The following RELN variants were observed in gnomAD, a reference collection of about 807,000 sequenced individuals.
The protein encoded by RELN is reelin.
In RELN, 108 loss-of-function variants were observed where a neutral mutation model predicts 427.6. The observed-to-expected ratio is 0.25, with a 90% CI of 0.22 to 0.30. RELN has a LOEUF of 0.30. RELN is among the 10% of genes least tolerant of loss of function. The pLI is 1.00. For synonymous variants in RELN, 1,524 were observed against 1,513.4 expected (o/e 1.01, Z -0.16); for missense variants, 3,715 against 4,302.8 (o/e 0.86, Z 3.82).
chr7:103,712,908 C>T (rs1275723352), intron 8 of RELN, among the ~76,000 whole-genome samples: 1 of 151,968 alleles, frequency 6.6e-6, no homozygotes, highest in East Asian at 1.9e-4. Context: ...TTATATCATT[C>T]CCCATCAATC....
Position 103,636,283 on chromosome 7 carries a change from T to C in RELN, c.2255A>G (p.Asp752Gly), listed in dbSNP as rs1335635118. 3.1e-6 allele frequency: 5 copies of C among 1,613,994 alleles called. No individual in the cohort carries two copies. In the South Asian group the frequency reaches 4.4e-5, roughly 14 times the overall value. Residue 752 changes from aspartate (D) to glycine (G), a missense_variant, in exon 18 of 65, where the codon GAT becomes GGT. Transcript: ENST00000428762. Reference sequence around the variant, plus strand: ...AGATGTAATTAGCTGACGCCGCCCATCTTTGTTGAAAACCAGGGCCTTACC... The same window carrying C: ...AGATGTAATTAGCTGACGCCGCCCACCTTTGTTGAAAACCAGGGCCTTACC... ...ASGKALVFNK[D>G]GRRQLITSFL...
At chr7:103,893,011 AAAGGGTCTTC>A (rs769284556) in intron 2 of RELN, among the ~76,000 whole-genome samples, 3 of 152,216 alleles carry the variant, frequency 2.0e-5, no homozygotes, top group Non-Finnish European at 4.4e-5. Context: ...GATCATGTAG[AAAGGGTCTTC>A]AAGGGAGACC....
intron 64 of RELN, 130 bp from the exon 65 acceptor site, chr7:103,473,038 T>C: frequency 1.2e-6 from 1 of 823,816 alleles, no homozygotes; most frequent in Non-Finnish European, 2.1e-6. Flanking sequence ...TCAGGGTTAA[T>C]AGGTCATGCT....
At position 103,472,745 on chromosome 7, in the gene RELN, C is replaced by T. The variant is rs112874175; in HGVS notation, c.*67G>A. ...ATATTTCCTGATATCAGATGTAGTG[C>T]GAGATTTAAAAGAATGGAGAGCAAC... On this transcript the variant is annotated 3_prime_UTR_variant, in exon 65 of 65. Transcript: ENST00000428762. The T allele has an allele frequency of 0.012, 15,549 of 1,245,096 alleles. 191 individuals are homozygous for T. Among genetic ancestry groups the T allele is most frequent in the African/African-American group, 0.052 (3,517 of 67,560 alleles). 77.1% of individuals were successfully genotyped at this position (1,245,096 alleles called of 1,614,324 possible).
chr7:103,553,597 A>G (rs1387154162), intron 39 of RELN, 34 bp from the exon 40 acceptor site: 1 of 1,612,324 alleles, frequency 6.2e-7, no homozygotes, highest in Non-Finnish European at 8.5e-7. Context: ...GAATCCATTT[A>G]GGCAAAAGTT....
In RELN at chr7:103,822,062, G is replaced by A. The variant is rs551540191; in HGVS notation, c.473+11475C>T. On this transcript the variant is annotated intron_variant, in intron 3 of 64. Transcript: ENST00000428762. ...TTTCATTTAATATTTATTTCTCAGT[G>A]CTAAATAAAACATCAATATGCACTG... Among the ~76,000 whole-genome samples, 5 of 152,078 alleles carry A rather than the reference G, an allele frequency of 3.3e-5. No individual in the cohort carries two copies. In the South Asian group the frequency reaches 1.0e-3, roughly 32 times the overall value.
At position 103,557,131 on chromosome 7, in the gene RELN, C is replaced by T. The variant is rs141387255; in HGVS notation, c.5643G>A (p.Leu1881=). The part of the protein sequence containing the change: ...KSTPERSHSI[L]LQFSISGGIT... ...TTCCTCCACTGATGGAGAATTGTAA[C>T]AGAATAGAGTGAGATCTCTCTGGGG... Residue 1881 remains leucine, a synonymous_variant, in exon 38 of 65, where the codon CTG becomes CTA. Transcript: ENST00000428762. 1,351 of 1,613,472 alleles carry T rather than the reference C, an allele frequency of 8.4e-4. 2 individuals carry two copies. The highest frequency in any genetic ancestry group is 1.1e-3 in the Non-Finnish European group (1,259 of 1,179,522).
intron 26 of RELN, 46 bp from the exon 27 acceptor site, chr7:103,593,928 T>G: frequency 6.9e-7 from 1 of 1,445,562 alleles, no homozygotes; most frequent in Non-Finnish European, 9.7e-7. Flanking sequence ...TTGATAGCTT[T>G]GAAAACAAGA....
At chr7:103,496,998 CT>C (rs1828861898) in intron 55 of RELN, among the ~76,000 whole-genome samples, 1 of 152,154 alleles carries the variant, frequency 6.6e-6, no homozygotes, top group Non-Finnish European at 1.5e-5. Context: ...AATAAAAACA[CT>C]GAAGTAAAAA....
intron 2 of RELN, among the ~76,000 whole-genome samples, chr7:103,835,902 T>C (rs996709503): frequency 2.0e-5 from 3 of 151,636 alleles, no homozygotes; most frequent in African/African-American, 7.3e-5. Flanking sequence ...CTTTCTAAAA[T>C]ATAAACTTGT....
Position 103,917,193 on chromosome 7 carries a change from G to A in RELN, c.227-8C>T, listed in dbSNP as rs762605069. 5 of 1,599,236 alleles carry A rather than the reference G, an allele frequency of 3.1e-6. No homozygotes were observed. The highest frequency in any genetic ancestry group is 2.7e-5 in the African/African-American group (2 of 74,418). On this transcript the variant is annotated splice_polypyrimidine_tract_variant and splice_region_variant and intron_variant, in intron 1 of 64. Coordinates refer to ENST00000428762, the MANE Select transcript of RELN (RefSeq NM_005045.4). ...TGCTTGTTGAAATTGTCACTGAAAT[G>A]TAAGAAAGAAAAAAAAAACTCTCAA...
chr7:103,755,415 T>C (rs760840675), intron 4 of RELN, among the ~76,000 whole-genome samples: 30 of 152,170 alleles, frequency 2.0e-4, no homozygotes, highest in South Asian at 6.2e-4. Flanking sequence ...GAGACAATCC[T>C]GGCTAACACG....
chr7:103,491,888 A>T, intron 58 of RELN, 65 bp downstream of exon 58: 1 of 974,602 alleles, frequency 1.0e-6, no homozygotes, highest in South Asian at 1.4e-5. Flanking sequence ...ACACACACAC[A>T]CACACACAAC....
intron 20 of RELN, among the ~76,000 whole-genome samples, chr7:103,614,705 T>C (rs1251603750): frequency 6.6e-6 from 1 of 152,244 alleles, no homozygotes; most frequent in Non-Finnish European, 1.5e-5. Context: ...ATCTATGTCA[T>C]GGTCAGTCTT....
intron 8 of RELN, among the ~76,000 whole-genome samples, chr7:103,715,138 G>A (rs983274492): frequency 1.3e-5 from 2 of 152,148 alleles, no homozygotes; most frequent in African/African-American, 4.8e-5. Context: ...GTTTATTAAC[G>A]AGAAAACATA....
At chr7:103,765,459 A>C (rs1791406486) in intron 4 of RELN, among the ~76,000 whole-genome samples, 1 of 152,202 alleles carries the variant, frequency 6.6e-6, no homozygotes, top group Non-Finnish European at 1.5e-5. Context: ...ATACAGCACA[A>C]TATATATTAA....
chr7:103,669,416 G>T (rs1246025545), intron 11 of RELN, among the ~76,000 whole-genome samples: 2 of 152,132 alleles, frequency 1.3e-5, no homozygotes, highest in African/African-American at 2.4e-5. Flanking sequence ...GTAAACACTG[G>T]CTCAAACATG....
At chr7:103,918,857 G>T (rs923313181) in intron 1 of RELN, among the ~76,000 whole-genome samples, 1 of 152,128 alleles carries the variant, frequency 6.6e-6, no homozygotes, top group African/African-American at 2.4e-5. Context: ...TCAATGCAGA[G>T]AGAAACTGAC....
intron 53 of RELN, 77 bp from the exon 54 acceptor site, chr7:103,498,329 G>T: frequency 7.5e-7 from 1 of 1,325,716 alleles, no homozygotes; most frequent in South Asian, 1.2e-5. Flanking sequence ...AATACAGAGT[G>T]ATGTCTTGGA....
Sources: allele counts gnomAD v4.1 joint callset (sites outside exome capture counted in the v4.1 genomes callset), GRCh38; gene constraint gnomAD v4.1.1; transcripts MANE v1.5; gene names NCBI Gene and HGNC (gene_info 2026-07-23, HGNC 2026-07-21).